UGCG: variants seen among roughly 807,000 people sequenced by gnomAD.
UGCG encodes UDP-glucose ceramide glucosyltransferase.
A neutral mutation model predicts 49.5 loss-of-function variants in UGCG; 10 were observed. The ratio of observed to expected loss-of-function variants is 0.20; its 90% confidence interval spans 0.12 to 0.34. The LOEUF (loss-of-function observed/expected upper bound fraction) is 0.34, where lower values mean the gene tolerates loss of function less well. Among genes scored for constraint, UGCG ranks in the 10% least tolerant of loss-of-function variants. The pLI, the probability that UGCG is intolerant of heterozygous loss-of-function variation, is 1.00. For missense variants in UGCG, 312 were observed against 483.7 expected, an observed-to-expected ratio of 0.65 and a Z score of 3.33; for synonymous variants, 182 against 158.2, an observed-to-expected ratio of 1.15 and a Z score of -1.13.
intron 1 of UGCG, among the ~76,000 whole-genome samples, chr9:111,913,235 C>T (rs962149540): frequency 6.6e-6 from 1 of 152,228 alleles, no homozygotes; most frequent in Non-Finnish European, 1.5e-5. Flanking sequence ...GAATATCTTG[C>T]AGATGGACCC....
intron 7 of UGCG, 68 bp downstream of exon 7, chr9:111,931,425 A>C: frequency 6.8e-7 from 1 of 1,462,522 alleles, no homozygotes; most frequent in Non-Finnish European, 9.5e-7. Flanking sequence ...TAATTTTTAC[A>C]GGTTTAATGT....
intron 2 of UGCG, among the ~76,000 whole-genome samples, chr9:111,918,761 A>G (rs371938566): frequency 2.6e-5 from 4 of 152,206 alleles, no homozygotes; most frequent in Non-Finnish European, 5.9e-5. Flanking sequence ...CTCTACTAAA[A>G]ATACAAAAAA....
At chr9:111,926,777 C>T (rs530131198) in intron 5 of UGCG, among the ~76,000 whole-genome samples, 1 of 150,744 alleles carries the variant, frequency 6.6e-6, no homozygotes, top group Admixed American at 6.6e-5. Context: ...TTGTAGTATT[C>T]ACTTCCTGTT....
At chr9:111,917,966 A>G (rs368090001) in intron 2 of UGCG, among the ~76,000 whole-genome samples, 143 of 152,296 alleles carry the variant, frequency 9.4e-4, no homozygotes, top group African/African-American at 3.1e-3. Flanking sequence ...AAGAATACCT[A>G]AATCAACTAT....
At chr9:111,904,598 C>T (rs755487052) in intron 1 of UGCG, among the ~76,000 whole-genome samples, 3 of 152,110 alleles carry the variant, frequency 2.0e-5, no homozygotes, top group Non-Finnish European at 4.4e-5. Context: ...TGGTGGCTCA[C>T]ACCTGTAATC....
chr9:111,905,317 A>G (rs934250485), intron 1 of UGCG, among the ~76,000 whole-genome samples: 1 of 152,308 alleles, frequency 6.6e-6, no homozygotes, highest in East Asian at 1.9e-4. Context: ...TGGTCTCTCC[A>G]GCAGCATTCA....
intron 5 of UGCG, among the ~76,000 whole-genome samples, chr9:111,928,368 A>G (rs1249544295): frequency 6.6e-6 from 1 of 152,212 alleles, no homozygotes; most frequent in Non-Finnish European, 1.5e-5. Context: ...GAAATATCCA[A>G]ATTGATACAG....
In UGCG at chr9:111,897,891, CT is replaced by C. The variant is rs980505856; in HGVS notation, c.98+581del. 1.7e-4 allele frequency among the ~76,000 whole-genome samples: 25 copies of C among 151,268 alleles called. 3 individuals are homozygous for C. The South Asian group carries it at 5.3e-3, about 32-fold the overall frequency. On this transcript the variant is annotated intron_variant, in intron 1 of 8. Coordinates refer to ENST00000374279, the MANE Select transcript of UGCG (RefSeq NM_003358.3). ...AGCTTGTACATCTCAGCGTGGTTTT[CT>C]TTCCTTTTTTCAGTTCCTCGTTTTA...
chr9:111,927,619 T>G (rs1226033792), intron 5 of UGCG, among the ~76,000 whole-genome samples: 1 of 152,036 alleles, frequency 6.6e-6, no homozygotes, highest in African/African-American at 2.4e-5. Flanking sequence ...GCCTGGCTAA[T>G]TTTTTGTATT....
intron 2 of UGCG, among the ~76,000 whole-genome samples, chr9:111,919,660 T>G (rs1407986092): frequency 6.6e-6 from 1 of 151,560 alleles, no homozygotes; most frequent in African/African-American, 2.4e-5. Context: ...CCGGGCGTGG[T>G]GGCGGATGCC....
chr9:111,924,078 GGT>G (rs1838276501), intron 3 of UGCG, among the ~76,000 whole-genome samples: 1 of 152,136 alleles, frequency 6.6e-6, no homozygotes, highest in South Asian at 2.1e-4. Flanking sequence ...GTGAGCCCAT[GGT>G]GCCTGGCCAT....
intron 1 of UGCG, among the ~76,000 whole-genome samples, chr9:111,904,865 AG>A (rs1425927857): frequency 6.6e-6 from 1 of 152,112 alleles, no homozygotes; most frequent in Non-Finnish European, 1.5e-5. Context: ...TTTGTCTTGG[AG>A]GAAAAAAAAT....
At chr9:111,902,514 A>T (rs1393184302) in intron 1 of UGCG, among the ~76,000 whole-genome samples, 2 of 152,262 alleles carry the variant, frequency 1.3e-5, no homozygotes, top group Non-Finnish European at 2.9e-5. Context: ...TAACAATAAC[A>T]AAGGTCATTA....
intron 3 of UGCG, among the ~76,000 whole-genome samples, chr9:111,923,831 C>T (rs932548773): frequency 3.9e-5 from 6 of 152,138 alleles, no homozygotes; most frequent in African/African-American, 1.2e-4. Context: ...GACAGGGTTT[C>T]ACCACGTCAG....
chr9:111,914,848 A>G (rs950460968), intron 2 of UGCG, 102 bp downstream of exon 2: 1 of 1,470,318 alleles, frequency 6.8e-7, no homozygotes, highest in Non-Finnish European at 9.1e-7. Context: ...AAGGTATTAA[A>G]AATTCATGAT....
intron 1 of UGCG, among the ~76,000 whole-genome samples, chr9:111,912,052 A>ATATATATATATG (rs1160352827): frequency 7.0e-6 from 1 of 142,854 alleles, no homozygotes; most frequent in Non-Finnish European, 1.5e-5. Flanking sequence ...ATATATATAT[A>ATATATATATATG]TCCTGTTGAA....
chr9:111,932,318 G>A lies in UGCG; in HGVS notation c.973G>A (p.Ala325Thr). 3 of 1,614,056 alleles carry A rather than the reference G, an allele frequency of 1.9e-6. No individual in the cohort carries two copies. Among genetic ancestry groups the A allele is most frequent in the Non-Finnish European group, 2.5e-6 (3 of 1,180,016 alleles). ...IMVFFMCHCL[A>T]WFIFDYIQLR... Reference sequence around the variant, plus strand: ...GGTATTTTTCATGTGTCATTGCCTGGCATGGTTTATATTTGACTACATTCA... The same window carrying A: ...GGTATTTTTCATGTGTCATTGCCTGACATGGTTTATATTTGACTACATTCA... The change falls in exon 8 of 9, where the codon GCA becomes ACA. Residue 325 changes from alanine to threonine, a missense_variant. Around this residue, in one of 4 missense-constraint regions of UGCG, gnomAD observed 180 missense variants for 320.4 expected, o/e 0.56. Coordinates refer to ENST00000374279, the MANE Select transcript of UGCG (RefSeq NM_003358.3).
chr9:111,924,884 G>T lies in UGCG; in HGVS notation c.445+6G>T. 1 of 1,425,576 alleles carries T rather than the reference G, an allele frequency of 7.0e-7. No homozygotes were observed. 88.3% of individuals were successfully genotyped at this position (1,425,576 alleles called of 1,614,324 possible). On this transcript the variant is annotated splice_donor_region_variant and intron_variant, in intron 4 of 8. Transcript: ENST00000374279. ...TTGTGATAGTGGAATAAGAGGTGAG[G>T]TTTTTTTCTTATTTATTTTATAAAA... is the stretch of plus-strand genomic sequence containing the variant.
Position 111,897,123 on chromosome 9 carries a change from C to G in UGCG, c.-93C>G, listed in dbSNP as rs908284615. 2.7e-6 allele frequency: 3 copies of G among 1,091,052 alleles called. No individual in the cohort carries two copies. Among genetic ancestry groups the G allele is most frequent in the Admixed American group, 2.5e-5 (1 of 39,400 alleles). 67.6% of individuals were successfully genotyped at this position (1,091,052 alleles called of 1,614,324 possible). A position where few individuals can be genotyped will look rare whatever the true frequency, so the allele number is the denominator to read the frequency against. ...CCCACCTTCCTCTCGCCTCCCGCGC[C>G]CCCGCACCGGGCGCCCACCCTGTCC... On this transcript the variant is annotated 5_prime_UTR_variant, in exon 1 of 9. Transcript: ENST00000374279.
Sources: gnomAD v4.1 joint callset for allele counts (sites outside exome capture counted in the v4.1 genomes callset) on GRCh38, gnomAD v4.1.1 for gene constraint, gnomAD v4.1.1 regional missense constraint, MANE v1.5 for transcripts, NCBI Gene and HGNC (gene_info 2026-07-23, HGNC 2026-07-21) for gene names.